The following DGKQ variants were observed in gnomAD, a reference collection of about 807,000 sequenced individuals.
DGKQ encodes the protein diacylglycerol kinase theta, also known as DAG kinase theta.
DGKQ carries 97 observed loss-of-function variants against 104.2 expected under a neutral mutation model. The ratio of observed to expected loss-of-function variants is 0.93; its 90% confidence interval spans 0.79 to 1.10. The LOEUF (loss-of-function observed/expected upper bound fraction) is 1.10. Among genes scored for constraint, DGKQ ranks in the 50% least tolerant of loss-of-function variants. DGKQ has a pLI of 0.00. For missense variants in DGKQ, 1,465 were observed against 1,352.1 expected, an observed-to-expected ratio of 1.08 and a Z score of -1.31; for synonymous variants, 736 against 595.2, an observed-to-expected ratio of 1.24 and a Z score of -3.44.
intron 12 of DGKQ, 160 bp from the exon 13 acceptor site, chr4:966,238 G>A (rs1712324020): frequency 4.4e-6 from 4 of 901,696 alleles, no homozygotes; most frequent in Admixed American, 5.0e-5. Flanking sequence ...AGGCTTCCTT[G>A]CTGTGGACAA....
rs768624775 is a variant in DGKQ, at chr4:961,207, G to C, written c.2575-6C>G. ...AGCCCACCCTGGACCTGGCCCTGGG[G>C]CGGGAGAGGCCAGCCGGGCTCAGCG... On this transcript the variant is annotated splice_region_variant and splice_polypyrimidine_tract_variant and intron_variant, in intron 21 of 22. Coordinates refer to ENST00000273814, the MANE Select transcript of DGKQ (RefSeq NM_001347.4). 4.3e-5 allele frequency: 67 copies of C among 1,546,152 alleles called. No homozygotes were observed. Among genetic ancestry groups the C allele is most frequent in the Non-Finnish European group, 5.7e-5 (66 of 1,147,992 alleles).
rs1712926194 is a variant in DGKQ at position 971,469 on chromosome 4, C to G, written c.272-397G>C. Among the ~76,000 whole-genome samples, 1 of 152,208 alleles carries G rather than the reference C, an allele frequency of 6.6e-6. No individual in the cohort carries two copies. Among genetic ancestry groups the G allele is most frequent in the African/African-American group, 2.4e-5 (1 of 41,454 alleles). On this transcript the variant is annotated intron_variant, in intron 1 of 22. Coordinates refer to ENST00000273814, the MANE Select transcript of DGKQ (RefSeq NM_001347.4). This position sits in a 1 kb window ranked among gnomAD's most constrained non-coding sequence, Gnocchi z 4.0. ...TTGGCTTTACCAAGGACATCTGTGT[C>G]TCACTCCCCCGAAACTACGCATACC...
At position 960,716 on chromosome 4, in the gene DGKQ, GT is replaced by G. The variant is rs1560509729; in HGVS notation, c.2732del (p.His911ProfsTer3). 1 of 1,611,938 alleles carries G rather than the reference GT, an allele frequency of 6.2e-7. No homozygotes were observed. The highest frequency in any genetic ancestry group is 8.5e-7 in the Non-Finnish European group (1 of 1,179,676). On this transcript the variant is annotated frameshift_variant, in exon 23 of 23. Transcript: ENST00000273814. LOFTEE classifies it low-confidence loss of function (END_TRUNC). ...MIISAAGPKV[H>X]MLRKAKQKPR... ...GCTTCTGCTTGGCCTTCCTCAGCAT[GT>G]GCACCTGTCCCAGGGCAGGGGACAG...
chr4:973,277 G>C lies in DGKQ; in HGVS notation c.206C>G (p.Thr69Ser). ...GCAGAGGTGGCAGAAGGTGGGCTTG[G>C]TGAGCGTCACCTTCCGGAAGCTGTG... ...PGHSFRKVTLTKPTFCHLCSD... is the reference protein window; with the variant it reads ...PGHSFRKVTLSKPTFCHLCSD... The change falls in exon 1 of 23, where the codon ACC becomes AGC. Residue 69 changes from threonine (T) to serine (S), a missense_variant. By Grantham distance (58) the Thr-to-Ser change is moderately conservative (BLOSUM62 1). Coordinates refer to ENST00000273814, the MANE Select transcript of DGKQ (RefSeq NM_001347.4). 6.5e-7 allele frequency: 1 copy of C among 1,543,142 alleles called. No individual in the cohort carries two copies. The highest frequency in any genetic ancestry group is 8.7e-7 in the Non-Finnish European group (1 of 1,147,954).
intron 15 of DGKQ, 133 bp from the exon 16 acceptor site, chr4:963,423 G>A: frequency 1.3e-6 from 1 of 758,256 alleles, no homozygotes; most frequent in Non-Finnish European, 2.1e-6. Flanking sequence ...AGGAAGGCGT[G>A]GCCAGCACCC....
At chr4:965,838 G>A in intron 13 of DGKQ, 90 bp downstream of exon 13, 2 of 1,394,138 alleles carry the variant, frequency 1.4e-6, no homozygotes, top group South Asian at 2.9e-5. Context: ...CTCAAGGAGA[G>A]GCAGGAGCCG....
intron 3 of DGKQ, 43 bp downstream of exon 3, chr4:968,768 G>T: frequency 6.4e-7 from 1 of 1,550,882 alleles, no homozygotes; most frequent in Non-Finnish European, 8.8e-7. Context: ...CTGGGCAGCA[G>T]AGACCAGGAC....
rs1711909335 is a variant in DGKQ at position 961,799 on chromosome 4, AG to A, written c.2350del (p.Leu784CysfsTer69). 1 of 1,609,170 alleles carries A rather than the reference AG, an allele frequency of 6.2e-7. No homozygotes were observed. The highest frequency in any genetic ancestry group is 8.5e-7 in the Non-Finnish European group (1 of 1,178,294). On this transcript the variant is annotated frameshift_variant, in exon 20 of 23. Transcript: ENST00000273814. LOFTEE classifies it high-confidence loss of function. ...GCTCCGAGAGTGACTGATCTTCTGC[AG>A]CCCCACCCGCACGTACACACCCTTG... ...HNKGVYVRVG[L>X]QKISHSRSLH...
At position 962,496 on chromosome 4, in the gene DGKQ, AGGATGGTCCAGCGGTCCATGAGCAC is replaced by A; in HGVS notation, c.2128_2152del (p.Val710CysfsTer25). On this transcript the variant is annotated frameshift_variant, in exon 18 of 23. Transcript: ENST00000273814. LOFTEE classifies it high-confidence loss of function. ...ACTGCCAGCCTCGTGGGCATCCAGC[AGGATGGTCCAGCGGTCCATGAGCAC>A]GGCGTCGGCCTCGTCCACAGACAGC... 1 of 1,609,146 alleles carries A rather than the reference AGGATGGTCCAGCGGTCCATGAGCAC, an allele frequency of 6.2e-7. No individual in the cohort carries two copies. Among genetic ancestry groups the A allele is most frequent in the South Asian group, 1.1e-5 (1 of 91,020 alleles).
chr4:970,838 G>A (rs1712871669), intron 2 of DGKQ, among the ~76,000 whole-genome samples, 155 bp downstream of exon 2: 1 of 152,164 alleles, frequency 6.6e-6, no homozygotes, highest in Non-Finnish European at 1.5e-5. Context: ...TCCATGCAGG[G>A]TGCTCAGCCT....
chr4:968,437 C>A, intron 4 of DGKQ, 30 bp from the exon 5 acceptor site: 1 of 1,588,406 alleles, frequency 6.3e-7, no homozygotes, highest in Non-Finnish European at 8.6e-7. Context: ...AGCAGCTGGG[C>A]CCGCCCCACC....
At chr4:964,019 C>G (rs1282506794) in intron 15 of DGKQ, 1 of 154,664 alleles carries the variant, frequency 6.5e-6, no homozygotes, top group Non-Finnish European at 1.5e-5. Flanking sequence ...CAAGGACACA[C>G]TCGGGGCTTC....
chr4:972,267 C>A (rs949208499), intron 1 of DGKQ, among the ~76,000 whole-genome samples: 1 of 152,116 alleles, frequency 6.6e-6, no homozygotes, highest in African/African-American at 2.4e-5. Flanking sequence ...AAGCCCCTGG[C>A]ATCCCCAGGC....
At chr4:969,735 G>A (rs1459153944) in intron 2 of DGKQ, among the ~76,000 whole-genome samples, 2 of 150,298 alleles carry the variant, frequency 1.3e-5, no homozygotes, top group Admixed American at 6.7e-5. Context: ...TCAGCCTCCC[G>A]AGTAGCTGGG....
chr4:966,061 C>G lies in DGKQ; in HGVS notation c.1446G>C (p.Val482=), dbSNP rs1375669881. The G allele has an allele frequency of 6.2e-7, 1 of 1,601,556 alleles. No individual in the cohort carries two copies. The highest frequency in any genetic ancestry group is 8.5e-7 in the Non-Finnish European group (1 of 1,175,036). Residue 482 remains valine, a synonymous_variant, in exon 13 of 23, where the codon GTG becomes GTC. Transcript: ENST00000273814. ...QDIRQMSVRQ[V]SQTRFYVAES... ...CTGCCACGTAGAACCGCGTCTGGCT[C>G]ACCTGCCGCACAGACATCTGCAGGG...
At chr4:973,111 C>T in intron 1 of DGKQ, 101 bp downstream of exon 1, 1 of 1,328,436 alleles carries the variant, frequency 7.5e-7, no homozygotes, top group Non-Finnish European at 9.7e-7. Context: ...GGACCCCGCC[C>T]TCCACTCCCC....
At chr4:969,959 T>C (rs1712799324) in intron 2 of DGKQ, among the ~76,000 whole-genome samples, 1 of 152,246 alleles carries the variant, frequency 6.6e-6, no homozygotes, top group African/African-American at 2.4e-5. Flanking sequence ...TTGAAATACA[T>C]ACTTATATTT....
intron 21 of DGKQ, 21 bp from the exon 22 acceptor site, chr4:961,222 C>T (rs751454046): frequency 2.4e-5 from 36 of 1,511,076 alleles, no homozygotes; most frequent in East Asian, 1.7e-4. Flanking sequence ...AGAGGCCAGC[C>T]GGGCTCAGCG....
chr4:963,674 C>A (rs1239285440), intron 15 of DGKQ, among the ~76,000 whole-genome samples: 4 of 152,264 alleles, frequency 2.6e-5, no homozygotes, highest in Non-Finnish European at 4.4e-5. Context: ...GGCCTGTCCC[C>A]TGGGGGGCCT....
Sources: gnomAD v4.1 joint callset for allele counts (sites outside exome capture counted in the v4.1 genomes callset) on GRCh38, gnomAD v4.1.1 for gene constraint, Gnocchi (gnomAD v3.1) non-coding constraint, MANE v1.5 for transcripts, NCBI Gene and HGNC (gene_info 2026-07-23, HGNC 2026-07-21) for gene names.